The following SFMBT1 variants were observed in gnomAD, a reference collection of about 807,000 sequenced individuals.
SFMBT1 encodes the protein scm-like with four MBT domains protein 1.
Under a neutral mutation model 108.7 loss-of-function variants are expected in SFMBT1, and 32 were observed. The ratio of observed to expected loss-of-function variants is 0.29; its 90% confidence interval spans 0.22 to 0.40. SFMBT1 has a LOEUF of 0.40. Among genes scored for constraint, SFMBT1 ranks in the 10% least tolerant of loss-of-function variants. The probability of loss-of-function intolerance (pLI) is 1.00; values close to 1 mark genes in which losing one functional copy is unlikely to be tolerated. For missense variants in SFMBT1, 816 were observed against 1,059.6 expected (o/e 0.77, Z 3.19); for synonymous variants, 348 against 369.5 (o/e 0.94, Z 0.67).
At chr3:52,983,401 G>T (rs749497832) in intron 1 of SFMBT1, among the ~76,000 whole-genome samples, 16 of 152,138 alleles carry the variant, frequency 1.1e-4, no homozygotes, top group Non-Finnish European at 2.1e-4. Context: ...AAGGCTTCTG[G>T]TCAACAGTAG....
chr3:52,915,461 T>G (rs1702322856), intron 14 of SFMBT1, among the ~76,000 whole-genome samples: 2 of 152,226 alleles, frequency 1.3e-5, no homozygotes, highest in Non-Finnish European at 2.9e-5. Flanking sequence ...GTGAAAGACT[T>G]CAGTTTCATT....
intron 1 of SFMBT1, among the ~76,000 whole-genome samples, chr3:52,982,151 G>A (rs561077490): frequency 1.3e-5 from 2 of 152,216 alleles, no homozygotes; most frequent in East Asian, 3.9e-4. Context: ...GCTCATAAGG[G>A]CCTTTAAGGC....
intron 10 of SFMBT1, among the ~76,000 whole-genome samples, chr3:52,923,383 TAGTGAA>T (rs1371059412): frequency 7.9e-5 from 12 of 151,946 alleles, no homozygotes; most frequent in Non-Finnish European, 1.5e-5. Flanking sequence ...CTGGCCAACA[TAGTGAA>T]ACCCTGTCCC....
At chr3:52,926,693 T>G (rs947026338) in intron 9 of SFMBT1, among the ~76,000 whole-genome samples, 2 of 152,154 alleles carry the variant, frequency 1.3e-5, no homozygotes, top group Non-Finnish European at 2.9e-5. Context: ...AAATCAAGCT[T>G]AGCACCCCAC....
intron 1 of SFMBT1, among the ~76,000 whole-genome samples, chr3:53,000,407 TA>T (rs1698505705): frequency 6.7e-6 from 1 of 150,148 alleles, no homozygotes; most frequent in African/African-American, 2.4e-5. Flanking sequence ...GGAATTTTTT[TA>T]AGTTTTAAAA....
At chr3:52,927,812 C>A (rs1166151269) in intron 9 of SFMBT1, among the ~76,000 whole-genome samples, 1 of 152,188 alleles carries the variant, frequency 6.6e-6, no homozygotes, top group Non-Finnish European at 1.5e-5. Context: ...TCTACGGCCT[C>A]TTCTCACAAG....
At chr3:52,961,426 C>T (rs1703957309) in intron 2 of SFMBT1, among the ~76,000 whole-genome samples, 1 of 151,940 alleles carries the variant, frequency 6.6e-6, no homozygotes. Flanking sequence ...GTTAAAACGG[C>T]CTGTAATCCC....
At chr3:53,001,921 T>TCACACA (rs1491194888) in intron 1 of SFMBT1, among the ~76,000 whole-genome samples, 1 of 64,704 alleles carries the variant, frequency 1.5e-5, no homozygotes, top group Admixed American at 2.3e-4. Context: ...CAAGACCCAG[T>TCACACA]CTCTCACACA....
intron 1 of SFMBT1, among the ~76,000 whole-genome samples, chr3:53,040,211 T>C (rs1362929378): frequency 2.0e-5 from 3 of 152,202 alleles, no homozygotes; most frequent in African/African-American, 7.2e-5. Flanking sequence ...GCAGCCTTAC[T>C]ACTGAGCAAA....
At chr3:52,995,325 G>C (rs1296648867) in intron 1 of SFMBT1, among the ~76,000 whole-genome samples, 1 of 150,182 alleles carries the variant, frequency 6.7e-6, no homozygotes, top group African/African-American at 2.4e-5. Flanking sequence ...AAATGTAAGA[G>C]CCAATATTTT....
intron 8 of SFMBT1, among the ~76,000 whole-genome samples, chr3:52,929,119 T>C (rs574399535): frequency 2.6e-5 from 4 of 152,354 alleles, no homozygotes; most frequent in South Asian, 2.1e-4. Context: ...TCCAAAGCCA[T>C]GTAGTTTGGC....
intron 16 of SFMBT1, among the ~76,000 whole-genome samples, 184 bp from the exon 17 acceptor site, chr3:52,911,362 G>T (rs2106764230): frequency 6.6e-6 from 1 of 152,300 alleles, no homozygotes; most frequent in Non-Finnish European, 1.5e-5. Context: ...AATTAAATCT[G>T]GTAAGCTATG....
chr3:53,032,918 G>T (rs1699735037), intron 1 of SFMBT1, among the ~76,000 whole-genome samples: 1 of 152,128 alleles, frequency 6.6e-6, no homozygotes, highest in Admixed American at 6.5e-5. Context: ...GGCCTTAAAG[G>T]ACAAACAGGG....
At chr3:52,945,399 T>C (rs1020423368) in intron 3 of SFMBT1, among the ~76,000 whole-genome samples, 4 of 151,508 alleles carry the variant, frequency 2.6e-5, no homozygotes, top group East Asian at 1.9e-4. Context: ...GAGTCCACAC[T>C]GATATAAATT....
At chr3:52,926,438 T>A (rs1461755478) in intron 9 of SFMBT1, among the ~76,000 whole-genome samples, 1 of 152,246 alleles carries the variant, frequency 6.6e-6, no homozygotes, top group Non-Finnish European at 1.5e-5. Flanking sequence ...CAGTTATGAC[T>A]GGATTTGATT....
intron 2 of SFMBT1, among the ~76,000 whole-genome samples, chr3:52,963,335 A>G (rs925539559): frequency 2.0e-5 from 3 of 152,116 alleles, no homozygotes; most frequent in Admixed American, 6.6e-5. Flanking sequence ...TACAATTTAG[A>G]AACAATTAAA....
At chr3:52,989,028 A>C (rs1362819170) in intron 1 of SFMBT1, among the ~76,000 whole-genome samples, 2 of 152,156 alleles carry the variant, frequency 1.3e-5, no homozygotes, top group African/African-American at 4.8e-5. Flanking sequence ...CTAATGTTAA[A>C]TATATAGAAA....
chr3:52,945,541 C>T (rs1393116876), intron 3 of SFMBT1, among the ~76,000 whole-genome samples: 1 of 152,004 alleles, frequency 6.6e-6, no homozygotes, highest in Non-Finnish European at 1.5e-5. Context: ...GGCGCGGTGG[C>T]TCACATCTGT....
chr3:52,974,807 T>C (rs1704460523), intron 1 of SFMBT1, among the ~76,000 whole-genome samples: 1 of 131,396 alleles, frequency 7.6e-6, no homozygotes, highest in Non-Finnish European at 1.6e-5. Flanking sequence ...CTGAGCAATA[T>C]GGCAAGACCC....
Sources: allele counts gnomAD v4.1 joint callset (sites outside exome capture counted in the v4.1 genomes callset), GRCh38; gene constraint gnomAD v4.1.1; transcripts MANE v1.5; gene names NCBI Gene and HGNC (gene_info 2026-07-23, HGNC 2026-07-21).